Variants in ARMH3 observed in about 807,000 individuals in gnomAD.
ARMH3 encodes the protein armadillo like helical domain containing 3, also known as armadillo-like helical domain-containing protein 3.
ARMH3 carries 60 observed loss-of-function variants against 99.1 expected under a neutral mutation model. That is an observed-to-expected ratio of 0.61 (90% CI 0.49 to 0.75). The LOEUF is 0.75. Among genes scored for constraint, ARMH3 ranks in the 30% least tolerant of loss-of-function variants. ARMH3 has a pLI of 0.00. For missense variants in ARMH3, 679 were observed against 843.1 expected, an observed-to-expected ratio of 0.81 and a Z score of 2.41; for synonymous variants, 285 against 292.8, an observed-to-expected ratio of 0.97 and a Z score of 0.27.
chr10:101,896,945 T>G (rs1476560901), intron 23 of ARMH3, among the ~76,000 whole-genome samples: 1 of 152,192 alleles, frequency 6.6e-6, no homozygotes. Context: ...TATGATATAC[T>G]TAAGTCAAAA....
chr10:101,940,585 A>C lies in ARMH3; in HGVS notation c.1706-647T>G, dbSNP rs1187001227. 2.0e-5 allele frequency among the ~76,000 whole-genome samples: 3 copies of C among 152,142 alleles called. No individual in the cohort carries two copies. In the East Asian group the frequency reaches 5.8e-4, roughly 29 times the overall value. On this transcript the variant is annotated intron_variant, in intron 22 of 25. Coordinates refer to ENST00000370033, the MANE Select transcript of ARMH3 (RefSeq NM_024541.3). The stretch of plus-strand genomic sequence containing the variant: ...TCATTTACATTAGGTATATCTCCTA[A>C]TGCTATCCCTCCCCCATCCCTCCAC...
At chr10:101,850,422 CTTTT>C (rs549822429) in intron 24 of ARMH3, among the ~76,000 whole-genome samples, 2 of 134,626 alleles carry the variant, frequency 1.5e-5, no homozygotes, top group African/African-American at 2.8e-5. Flanking sequence ...CTCTCTCTCT[CTTTT>C]TTTTTTTTTC....
At chr10:102,047,034 GAC>G (rs1375364860) in intron 1 of ARMH3, among the ~76,000 whole-genome samples, 1 of 152,196 alleles carries the variant, frequency 6.6e-6, no homozygotes, top group East Asian at 1.9e-4. Context: ...AAGTGAAACA[GAC>G]AGAAATAGAC....
intron 23 of ARMH3, among the ~76,000 whole-genome samples, chr10:101,896,591 G>A (rs2067842220): frequency 6.6e-6 from 1 of 152,146 alleles, no homozygotes; most frequent in African/African-American, 2.4e-5. Context: ...AATGATTATG[G>A]CCTCCTTGGC....
At chr10:102,026,091 A>T (rs182209099) in intron 5 of ARMH3, among the ~76,000 whole-genome samples, 1 of 152,232 alleles carries the variant, frequency 6.6e-6, no homozygotes. Context: ...CCGCTTGGCA[A>T]TGTAATTGGA....
intron 20 of ARMH3, among the ~76,000 whole-genome samples, chr10:101,969,630 G>C (rs1344410641): frequency 6.6e-6 from 1 of 152,198 alleles, no homozygotes; most frequent in Non-Finnish European, 1.5e-5. Context: ...TTTCCCAGTA[G>C]ATATCTAAAA....
chr10:101,951,517 G>A (rs11191159), intron 22 of ARMH3, among the ~76,000 whole-genome samples: 31,406 of 152,102 alleles, frequency 0.21, 3,986 homozygotes, highest in Non-Finnish European at 0.29. Flanking sequence ...AAGCTGCAAT[G>A]AGCTGTGATT....
At chr10:102,051,299 A>G (rs1456511066) in intron 1 of ARMH3, among the ~76,000 whole-genome samples, 2 of 151,364 alleles carry the variant, frequency 1.3e-5, no homozygotes, top group Non-Finnish European at 2.9e-5. Flanking sequence ...ACTGTGAAAC[A>G]CCATCTCTAC....
rs1345666204 is a variant in ARMH3 at position 101,846,493 on chromosome 10, A to G, written c.*1035T>C. The G allele has an allele frequency of 6.6e-6, 1 of 152,244 alleles. No individual in the cohort carries two copies. Among genetic ancestry groups the G allele is most frequent in the Non-Finnish European group, 1.5e-5 (1 of 68,064 alleles). The allele number at this position is 152,244 out of a possible 1,614,324, so 9.4% of individuals were successfully genotyped here. On this transcript the variant is annotated 3_prime_UTR_variant, in exon 26 of 26. Transcript: ENST00000370033. ...AAGACAGTAAAGCAGATTAGAAATTAAAAGTTAAGGTGGTGACCCTATTGT... is the reference window on the plus strand; with the variant it reads ...AAGACAGTAAAGCAGATTAGAAATTGAAAGTTAAGGTGGTGACCCTATTGT...
At chr10:101,956,814 G>A (rs1305190678) in intron 21 of ARMH3, 91 bp from the exon 22 acceptor site, 2 of 1,306,720 alleles carry the variant, frequency 1.5e-6, no homozygotes. Context: ...TTACTGTCTT[G>A]CAAGAGTTGA....
At chr10:101,869,723 A>T (rs2067089494) in intron 24 of ARMH3, among the ~76,000 whole-genome samples, 1 of 152,200 alleles carries the variant, frequency 6.6e-6, no homozygotes, top group Non-Finnish European at 1.5e-5. Flanking sequence ...ACAGATAACC[A>T]TATAAATCAA....
chr10:101,985,195 T>C (rs1846427239), intron 19 of ARMH3, among the ~76,000 whole-genome samples: 1 of 127,656 alleles, frequency 7.8e-6, no homozygotes, highest in Non-Finnish European at 1.7e-5. Flanking sequence ...TATATGTGTG[T>C]ATATATATAC....
intron 23 of ARMH3, among the ~76,000 whole-genome samples, chr10:101,916,877 T>G (rs903239954): frequency 6.6e-6 from 1 of 152,194 alleles, no homozygotes; most frequent in African/African-American, 2.4e-5. Context: ...GTCCATCTTC[T>G]CTTGCCCTTA....
At chr10:102,020,583 G>A (rs2066860365) in intron 8 of ARMH3, among the ~76,000 whole-genome samples, 1 of 151,782 alleles carries the variant, frequency 6.6e-6, no homozygotes, top group Non-Finnish European at 1.5e-5. Flanking sequence ...CTACTTGGGA[G>A]GCTGAGGCAG....
chr10:101,909,614 C>T lies in ARMH3; in HGVS notation c.1782-20124G>A, dbSNP rs1298803965. ...CCGCCTGAGTAGCTGAAACCACAGG[C>T]GCGTGCCACCAGGCCCAGCTAATTT... On this transcript the variant is annotated intron_variant, in intron 23 of 25. Coordinates refer to ENST00000370033, the MANE Select transcript of ARMH3 (RefSeq NM_024541.3). Among the ~76,000 whole-genome samples, 6 of 151,904 alleles carry T rather than the reference C, an allele frequency of 3.9e-5. No homozygotes were observed. In the South Asian group the frequency reaches 1.0e-3, roughly 26 times the overall value.
At chr10:102,008,485 C>T (rs941082316) in intron 13 of ARMH3, among the ~76,000 whole-genome samples, 3 of 152,074 alleles carry the variant, frequency 2.0e-5, no homozygotes, top group Admixed American at 6.6e-5. Flanking sequence ...GCATGTGACC[C>T]ATCGCTCAGT....
At chr10:102,028,416 T>C (rs1023563622) in intron 5 of ARMH3, among the ~76,000 whole-genome samples, 5 of 152,036 alleles carry the variant, frequency 3.3e-5, no homozygotes, top group Admixed American at 3.3e-4. Flanking sequence ...CGAGCATACA[T>C]CCATACAGAA....
chr10:101,935,156 G>A (rs1695609036), intron 23 of ARMH3, among the ~76,000 whole-genome samples: 1 of 125,640 alleles, frequency 8.0e-6, no homozygotes, highest in Non-Finnish European at 1.7e-5. Flanking sequence ...CCAAGAAGCG[G>A]AATCTCAAAG....
At chr10:102,026,450 G>T (rs952029889) in intron 5 of ARMH3, among the ~76,000 whole-genome samples, 1 of 152,172 alleles carries the variant, frequency 6.6e-6, no homozygotes, top group Non-Finnish European at 1.5e-5. Flanking sequence ...ATACACAGAG[G>T]AATGGAATTT....
Sources: gnomAD v4.1 joint callset for allele counts (sites outside exome capture counted in the v4.1 genomes callset) on GRCh38, gnomAD v4.1.1 for gene constraint, MANE v1.5 for transcripts, NCBI Gene and HGNC (gene_info 2026-07-23, HGNC 2026-07-21) for gene names.